The following PIK3CB variants were observed in gnomAD, a reference collection of about 807,000 sequenced individuals.
The protein encoded by PIK3CB is phosphatidylinositol-4,5-bisphosphate 3-kinase catalytic subunit beta.
Under a neutral mutation model 136.8 loss-of-function variants are expected in PIK3CB, and 39 were observed. The observed-to-expected ratio is 0.29, with a 90% confidence interval of 0.22 to 0.37. The LOEUF is 0.37. Ranked by LOEUF, PIK3CB falls within the 10% of genes least tolerant of loss-of-function variation. The pLI is 1.00. For synonymous variants in PIK3CB, 428 were observed against 436.6 expected (o/e 0.98, Z 0.25); for missense variants, 868 against 1,275.4 (o/e 0.68, Z 4.87).
chr3:138,688,051 T>C (rs2043929780), intron 16 of PIK3CB, among the ~76,000 whole-genome samples: 1 of 152,170 alleles, frequency 6.6e-6, no homozygotes, highest in African/African-American at 2.4e-5. Flanking sequence ...CAATCATTAA[T>C]GGGCTTTTCA....
chr3:138,827,653 T>G (rs1195717507), intron 1 of PIK3CB, among the ~76,000 whole-genome samples: 1 of 151,788 alleles, frequency 6.6e-6, no homozygotes, highest in Non-Finnish European at 1.5e-5. Flanking sequence ...CACTCCAGCC[T>G]GGGTGACAGA....
intron 21 of PIK3CB, among the ~76,000 whole-genome samples, chr3:138,659,934 G>C (rs1229073269): frequency 7.4e-6 from 1 of 135,898 alleles, no homozygotes; most frequent in Non-Finnish European, 1.5e-5. Context: ...AGAGTGCAGT[G>C]GCGTGATTTC....
chr3:138,671,147 T>G (rs1232120196), intron 19 of PIK3CB, among the ~76,000 whole-genome samples: 1 of 152,180 alleles, frequency 6.6e-6, no homozygotes, highest in Non-Finnish European at 1.5e-5. Context: ...TCTGTAACCT[T>G]TGTTTAAAAC....
chr3:138,784,577 G>C, intron 2 of PIK3CB, among the ~76,000 whole-genome samples: 2 of 152,242 alleles, frequency 1.3e-5, no homozygotes, highest in South Asian at 4.1e-4. Flanking sequence ...TTGCAGGCGC[G>C]CGCCGCCACG....
rs573191472 is a variant in PIK3CB at position 138,817,583 on chromosome 3, C to T, written c.-122+17112G>A. Among the ~76,000 whole-genome samples the T allele has an allele frequency of 5.9e-5, 9 of 152,242 alleles. No homozygotes were observed. In the South Asian group the frequency reaches 1.7e-3, roughly 28 times the overall value. Reference sequence around the variant, plus strand: ...GCATTAATTAATTAATCCTTGCAGGCACCCCTAAAACTACTGAGCCAAAAT... The same window carrying T: ...GCATTAATTAATTAATCCTTGCAGGTACCCCTAAAACTACTGAGCCAAAAT... On this transcript the variant is annotated intron_variant, in intron 1 of 23. Coordinates refer to ENST00000674063, the MANE Select transcript of PIK3CB (RefSeq NM_006219.3).
intron 21 of PIK3CB, among the ~76,000 whole-genome samples, chr3:138,659,760 C>T (rs947971070): frequency 2.6e-5 from 4 of 151,458 alleles, no homozygotes; most frequent in African/African-American, 9.7e-5. Context: ...GTTTTTCTTC[C>T]ATTCTCAGAA....
chr3:138,759,428 A>G (rs542978831), intron 2 of PIK3CB, 69 bp from the exon 3 acceptor site: 2 of 1,015,716 alleles, frequency 2.0e-6, no homozygotes, highest in East Asian at 4.9e-5. Flanking sequence ...TATGATAAAG[A>G]CCACTAATCT....
chr3:138,680,097 C>T (rs1434975621), intron 19 of PIK3CB, among the ~76,000 whole-genome samples: 1 of 152,048 alleles, frequency 6.6e-6, no homozygotes, highest in African/African-American at 2.4e-5. Flanking sequence ...CGGCGACTCA[C>T]GCCTGTAATT....
chr3:138,771,466 C>A (rs2045798708), intron 2 of PIK3CB, among the ~76,000 whole-genome samples: 2 of 152,102 alleles, frequency 1.3e-5, no homozygotes, highest in African/African-American at 4.8e-5. Context: ...GATCTGCCCA[C>A]CTCGGCCTCC....
At chr3:138,831,253 G>A (rs1301701316) in intron 1 of PIK3CB, among the ~76,000 whole-genome samples, 5 of 98,394 alleles carry the variant, frequency 5.1e-5, no homozygotes, top group Admixed American at 1.9e-4. Flanking sequence ...GTGAGACTCC[G>A]TCTCAAATAA....
chr3:138,780,649 A>T (rs897963279), intron 2 of PIK3CB, among the ~76,000 whole-genome samples: 34 of 151,898 alleles, frequency 2.2e-4, no homozygotes, highest in African/African-American at 6.8e-4. Flanking sequence ...AAATGTTTTT[A>T]AAATTATGTC....
intron 2 of PIK3CB, among the ~76,000 whole-genome samples, chr3:138,782,727 C>T (rs1056704825): frequency 7.9e-5 from 12 of 152,174 alleles, no homozygotes; most frequent in Admixed American, 2.6e-4. Flanking sequence ...TCCTCTTCCA[C>T]TGGTCATAGT....
At chr3:138,728,729 G>A (rs1199256231) in intron 8 of PIK3CB, among the ~76,000 whole-genome samples, 5 of 150,724 alleles carry the variant, frequency 3.3e-5, no homozygotes, top group Non-Finnish European at 5.9e-5. Context: ...GCAGTGAGCC[G>A]AGATTGAGCC....
intron 12 of PIK3CB, among the ~76,000 whole-genome samples, chr3:138,699,798 T>C (rs894013488): frequency 1.3e-5 from 2 of 152,146 alleles, no homozygotes; most frequent in Non-Finnish European, 2.9e-5. Flanking sequence ...AACAAATATA[T>C]ACTGTCTAGC....
At chr3:138,824,730 C>G (rs1316326392) in intron 1 of PIK3CB, among the ~76,000 whole-genome samples, 1 of 151,382 alleles carries the variant, frequency 6.6e-6, no homozygotes, top group Non-Finnish European at 1.5e-5. Flanking sequence ...GATATACATT[C>G]TCGGGGAGAA....
intron 1 of PIK3CB, among the ~76,000 whole-genome samples, chr3:138,831,751 C>T (rs963176621): frequency 1.3e-5 from 2 of 152,040 alleles, no homozygotes; most frequent in Non-Finnish European, 2.9e-5. Context: ...ATGGTGAAAC[C>T]CCATGTTTAC....
chr3:138,834,825 A>G lies in PIK3CB; in HGVS notation c.-252T>C, dbSNP rs1934199194. 2 of 152,078 alleles carry G rather than the reference A, an allele frequency of 1.3e-5. No individual in the cohort carries two copies. The highest frequency in any genetic ancestry group is 6.6e-5 in the Admixed American group (1 of 15,194). 9.4% of individuals were successfully genotyped at this position (152,078 alleles called of 1,614,324 possible). A position where few individuals can be genotyped will look rare whatever the true frequency, so the allele number is the denominator to read the frequency against. Reference sequence around the variant, plus strand: ...CGATCACCTCCCGCCTGCCCCGCGCAGCACTACACTCGCCCCCTCCCCACT... The same window carrying G: ...CGATCACCTCCCGCCTGCCCCGCGCGGCACTACACTCGCCCCCTCCCCACT... On this transcript the variant is annotated 5_prime_UTR_variant, in exon 1 of 24. Transcript: ENST00000674063.
intron 21 of PIK3CB, among the ~76,000 whole-genome samples, chr3:138,663,566 G>C (rs987097130): frequency 6.6e-6 from 1 of 152,082 alleles, no homozygotes; most frequent in Non-Finnish European, 1.5e-5. Context: ...ATTTTTAGTA[G>C]AGACGGGGTT....
At chr3:138,820,724 C>A (rs189788005) in intron 1 of PIK3CB, among the ~76,000 whole-genome samples, 1 of 152,242 alleles carries the variant, frequency 6.6e-6, no homozygotes, top group African/African-American at 2.4e-5. Context: ...GAACTACTGA[C>A]TTCAGATGAT....
Sources: allele counts gnomAD v4.1 joint callset (sites outside exome capture counted in the v4.1 genomes callset), GRCh38; gene constraint gnomAD v4.1.1; transcripts MANE v1.5; gene names NCBI Gene and HGNC (gene_info 2026-07-23, HGNC 2026-07-21).